VSTM2A: variants seen among roughly 807,000 people sequenced by gnomAD.
The protein encoded by VSTM2A is V-set and transmembrane domain-containing protein 2A.
A neutral mutation model predicts 27.3 loss-of-function variants in VSTM2A; 13 were observed. The observed-to-expected ratio is 0.48, with a 90% CI of 0.31 to 0.76. The LOEUF (loss-of-function observed/expected upper bound fraction) is 0.76. VSTM2A is among the 30% of genes least tolerant of loss of function. VSTM2A has a pLI of 0.05. For synonymous variants in VSTM2A, 142 were observed against 125.7 expected (o/e 1.13, Z -0.87); for missense variants, 280 against 310.0 (o/e 0.90, Z 0.73).
In VSTM2A at chr7:54,542,650, G is replaced by T; in HGVS notation, c.-81G>T. ...GTCGCGCCCAGGGCTCTGAGACTGA[G>T]CCTGCCATCCACTCGCACGCCTTTC... On this transcript the variant is annotated 5_prime_UTR_variant, in exon 1 of 5. Coordinates refer to ENST00000402613, the MANE Select transcript of VSTM2A (RefSeq NM_001301009.2). 1 of 1,292,194 alleles carries T rather than the reference G, an allele frequency of 7.7e-7. No homozygotes were observed. The allele number at this position is 1,292,194 out of a possible 1,614,324, so 80.0% of individuals were successfully genotyped here.
intron 4 of VSTM2A, chr7:54,553,737 A>T (rs941052028): frequency 1.6e-6 from 2 of 1,286,928 alleles, no homozygotes; most frequent in African/African-American, 3.0e-5. Flanking sequence ...AAGTCCCAGG[A>T]TCTTGACCAG....
chr7:54,553,937 G>C (rs973742958), intron 4 of VSTM2A: 11 of 1,551,488 alleles, frequency 7.1e-6, no homozygotes, highest in Non-Finnish European at 9.6e-6. Flanking sequence ...TCTTCTCTCT[G>C]TCTTCACTTT....
At chr7:54,568,289 C>G (rs955865206) in intron 4 of VSTM2A, among the ~76,000 whole-genome samples, 5 of 152,148 alleles carry the variant, frequency 3.3e-5, no homozygotes, top group Non-Finnish European at 7.4e-5. Context: ...ACACTTACCC[C>G]CTTCGAACAC....
At chr7:54,567,661 T>C (rs1371479787) in intron 4 of VSTM2A, among the ~76,000 whole-genome samples, 1 of 152,266 alleles carries the variant, frequency 6.6e-6, no homozygotes, top group Admixed American at 6.5e-5. Context: ...CACGTTGTAT[T>C]TGCTTTCAGC....
At chr7:54,545,193 G>A (rs1034315996) in intron 2 of VSTM2A, among the ~76,000 whole-genome samples, 5 of 151,926 alleles carry the variant, frequency 3.3e-5, no homozygotes, top group African/African-American at 9.7e-5. Context: ...GGGGCACCAG[G>A]CACCATCTGG....
At chr7:54,554,094 G>A (rs757117019) in intron 4 of VSTM2A, 75 of 1,550,396 alleles carry the variant, frequency 4.8e-5, no homozygotes, top group Non-Finnish European at 6.0e-5. Context: ...CAGGTCGCTC[G>A]CACTCCCAAA....
chr7:54,544,834 C>A, intron 2 of VSTM2A, 46 bp downstream of exon 2: 2 of 1,541,004 alleles, frequency 1.3e-6, no homozygotes, highest in South Asian at 2.4e-5. Context: ...CTCGCCCGGT[C>A]CTCAGGGTGT....
At chr7:54,563,550 T>C (rs1005997265) in intron 4 of VSTM2A, among the ~76,000 whole-genome samples, 1 of 152,152 alleles carries the variant, frequency 6.6e-6, no homozygotes, top group Non-Finnish European at 1.5e-5. Flanking sequence ...TGTGCATGCA[T>C]CCACTCTTCA....
intron 4 of VSTM2A, among the ~76,000 whole-genome samples, chr7:54,564,003 A>G (rs1788643933): frequency 6.6e-6 from 1 of 152,224 alleles, no homozygotes; most frequent in Non-Finnish European, 1.5e-5. Flanking sequence ...CTGAATAAAA[A>G]TTGCATTAGA....
chr7:54,548,206 A>C (rs1423303478), intron 3 of VSTM2A, among the ~76,000 whole-genome samples: 1 of 152,206 alleles, frequency 6.6e-6, no homozygotes, highest in African/African-American at 2.4e-5. Flanking sequence ...TAACAAAAAT[A>C]GTCTTCATAC....
intron 4 of VSTM2A, among the ~76,000 whole-genome samples, chr7:54,568,766 C>T (rs1185790379): frequency 6.6e-6 from 1 of 152,072 alleles, no homozygotes; most frequent in Admixed American, 6.6e-5. Flanking sequence ...TGGATTTGCC[C>T]CTCTCAGTGT....
At chr7:54,546,707 A>C in intron 2 of VSTM2A, 1 of 473,310 alleles carries the variant, frequency 2.1e-6, no homozygotes, top group Non-Finnish European at 3.7e-6. Flanking sequence ...CAGCCCCGGG[A>C]CAGCCCCGGG....
At chr7:54,549,044 A>G (rs887216706) in intron 3 of VSTM2A, among the ~76,000 whole-genome samples, 5 of 150,282 alleles carry the variant, frequency 3.3e-5, no homozygotes, top group Admixed American at 1.3e-4. Context: ...ATAAAATCAT[A>G]TATCTAATAT....
chr7:54,566,566 G>A (rs1173696639), intron 4 of VSTM2A, among the ~76,000 whole-genome samples: 1 of 152,182 alleles, frequency 6.6e-6, no homozygotes, highest in Non-Finnish European at 1.5e-5. Context: ...TTGCTTAAAT[G>A]TGTGACTGTA....
chr7:54,557,083 G>A (rs1288611311), intron 4 of VSTM2A: 1 of 152,232 alleles, frequency 6.6e-6, no homozygotes, highest in East Asian at 1.9e-4. Flanking sequence ...AAAAGAGCAA[G>A]AAAGGTCAAG....
At position 54,542,409 on chromosome 7, in the gene VSTM2A, G is replaced by A. The variant is rs1787810203; in HGVS notation, c.-322G>A. 3 of 437,666 alleles carry A rather than the reference G, an allele frequency of 6.9e-6. No individual in the cohort carries two copies. The highest frequency in any genetic ancestry group is 1.2e-5 in the Non-Finnish European group (3 of 245,220). 27.1% of individuals were successfully genotyped at this position (437,666 alleles called of 1,614,324 possible). A position where few individuals can be genotyped will look rare whatever the true frequency, so the allele number is the denominator to read the frequency against. ...GCCGGCTCCGTGTTTAGGGAGGGCA[G>A]TGATCACGCAAGCCGGAGCGGCGGG... is the stretch of plus-strand genomic sequence containing the variant. On this transcript the variant is annotated 5_prime_UTR_variant, in exon 1 of 5. It adds an upstream start codon to the 5' untranslated region. Coordinates refer to ENST00000402613, the MANE Select transcript of VSTM2A (RefSeq NM_001301009.2).
rs1788648959 is a variant in VSTM2A at position 54,564,132 on chromosome 7, TCATAAG to T, written c.635-4997_635-4992del. Among the ~76,000 whole-genome samples, 3 of 152,214 alleles carry T rather than the reference TCATAAG, an allele frequency of 2.0e-5. No individual in the cohort carries two copies. In the South Asian group the frequency reaches 6.2e-4, roughly 31 times the overall value. On this transcript the variant is annotated intron_variant, in intron 4 of 4. Coordinates refer to ENST00000402613, the MANE Select transcript of VSTM2A (RefSeq NM_001301009.2). ...AGAGCTGTAATGGACACTCAGTTCT[TCATAAG>T]CTGGCCTTCTTCACAGACAGAGAAG... is the stretch of plus-strand genomic sequence containing the variant.
At position 54,561,674 on chromosome 7, in the gene VSTM2A, T is replaced by C. The variant is rs116075281; in HGVS notation, c.635-7457T>C. Among the ~76,000 whole-genome samples, 1,317 of 152,286 alleles carry C rather than the reference T, an allele frequency of 8.6e-3. 24 individuals carry two copies. Among genetic ancestry groups the C allele is most frequent in the African/African-American group, 0.03 (1,252 of 41,554 alleles). On this transcript the variant is annotated intron_variant, in intron 4 of 4. Coordinates refer to ENST00000402613, the MANE Select transcript of VSTM2A (RefSeq NM_001301009.2). ...AGAAGATAACTTCTACTAATGAAGA[T>C]AATTAATAAAGCATTCTAATTAAGA...
At chr7:54,558,075 T>A (rs1788429321) in intron 4 of VSTM2A, 1 of 152,216 alleles carries the variant, frequency 6.6e-6, no homozygotes, top group African/African-American at 2.4e-5. Context: ...TAAAACATGA[T>A]AAAATTCCAA....
Sources: gnomAD v4.1 joint callset for allele counts (sites outside exome capture counted in the v4.1 genomes callset) on GRCh38, gnomAD v4.1.1 for gene constraint, MANE v1.5 for transcripts, NCBI Gene and HGNC (gene_info 2026-07-23, HGNC 2026-07-21) for gene names.